MLXIP: variants seen among roughly 807,000 people sequenced by gnomAD.
The protein encoded by MLXIP is MLX interacting protein.
A neutral mutation model predicts 87.2 loss-of-function variants in MLXIP; 30 were observed. That is an observed-to-expected ratio of 0.34 (90% CI 0.26 to 0.47). The LOEUF (loss-of-function observed/expected upper bound fraction) is 0.47, where lower values mean the gene tolerates loss of function less well. MLXIP is among the 20% of genes least tolerant of loss of function. The pLI is 1.00. For missense variants in MLXIP, 1,002 were observed against 1,240.1 expected (o/e 0.81, Z 2.88); for synonymous variants, 530 against 514.0 (o/e 1.03, Z -0.42).
At chr12:122,108,041 G>T in intron 1 of MLXIP, among the ~76,000 whole-genome samples, 1 of 152,138 alleles carries the variant, frequency 6.6e-6, no homozygotes, top group Admixed American at 6.5e-5. Flanking sequence ...GGCCTGTGAT[G>T]CTGCTGATGG....
At position 122,079,168 on chromosome 12, in the gene MLXIP, G is replaced by C. The variant is rs1429102929; in HGVS notation, c.315G>C (p.Gln105His). The C allele has an allele frequency of 1.3e-6, 2 of 1,551,026 alleles. No individual in the cohort carries two copies. Among genetic ancestry groups the C allele is most frequent in the Non-Finnish European group, 1.7e-6 (2 of 1,146,836 alleles). The change falls in exon 1 of 17, where the codon CAG (glutamine) becomes CAC (histidine). Residue 105 changes from glutamine (Q) to histidine (H), a missense_variant. This residue lies in a region of MLXIP where 127 missense variants were observed against 239.0 expected (regional missense o/e 0.53). Coordinates refer to ENST00000319080, the MANE Select transcript of MLXIP (RefSeq NM_014938.6). ...ACGATTTCGACACGGTCAACAAACA[G>C]ACGTGCCAGACCTACAGCTTCGGCA... ...KGYDFDTVNK[Q>H]TCQTYSFGKT...
intron 1 of MLXIP, among the ~76,000 whole-genome samples, chr12:122,103,194 TG>T (rs1565965476): frequency 7.5e-4 from 54 of 72,160 alleles, no homozygotes; most frequent in South Asian, 4.5e-3. Flanking sequence ...TATGTATGTA[TG>T]TATGTATTTA....
chr12:122,103,703 T>TC (rs1206068333), intron 1 of MLXIP, among the ~76,000 whole-genome samples: 5 of 151,020 alleles, frequency 3.3e-5, no homozygotes, highest in African/African-American at 1.2e-4. Flanking sequence ...TATTTTTTTT[T>TC]TTTTTTTAGT....
intron 1 of MLXIP, among the ~76,000 whole-genome samples, chr12:122,079,756 G>C (rs1223919808): frequency 6.6e-6 from 1 of 152,234 alleles, no homozygotes; most frequent in East Asian, 1.9e-4. Context: ...TGCCTCCAAG[G>C]GGCTGTTGTG....
At position 122,137,271 on chromosome 12, in the gene MLXIP, TTTG is replaced by T. The variant is rs941725864; in HGVS notation, c.2033-189_2033-187del. On this transcript the variant is annotated intron_variant, in intron 11 of 16. Transcript: ENST00000319080. The surrounding 1 kb of genome is among the most constrained non-coding windows in gnomAD (Gnocchi z 4.1). ...GTGTTCTGTGTGGATTAAGGGTGTT[TTTG>T]TTGTTGTTATTAATTTAAGATTTTC... 25 of 515,640 alleles carry T rather than the reference TTTG, an allele frequency of 4.8e-5. No homozygotes were observed. The highest frequency in any genetic ancestry group is 1.1e-4 in the South Asian group (3 of 27,356). The allele number at this position is 515,640 out of a possible 1,614,324, so 31.9% of individuals were successfully genotyped here. A position where few individuals can be genotyped will look rare whatever the true frequency, so the allele number is the denominator to read the frequency against.
chr12:122,098,132 TC>T (rs1333773288), intron 1 of MLXIP, among the ~76,000 whole-genome samples: 1 of 152,236 alleles, frequency 6.6e-6, no homozygotes, highest in Admixed American at 6.5e-5. Context: ...TGTTGCTGGC[TC>T]CTTGGAGCTA....
rs1458283518 is a variant in MLXIP, at chr12:122,135,119, T to A, written c.1733-105T>A. The A allele has an allele frequency of 7.0e-7, 1 of 1,433,076 alleles. No homozygotes were observed. Among genetic ancestry groups the A allele is most frequent in the Non-Finnish European group, 9.6e-7 (1 of 1,041,148 alleles). The allele number at this position is 1,433,076 out of a possible 1,614,324, so 88.8% of individuals were successfully genotyped here. A position where few individuals can be genotyped will look rare whatever the true frequency, so the allele number is the denominator to read the frequency against. Reference sequence around the variant, plus strand: ...TTGGTGGCTTTGTCTTCCTGTCCCCTGGGGTTGAGAACAAGCTGTCTCACT... The same window carrying A: ...TTGGTGGCTTTGTCTTCCTGTCCCCAGGGGTTGAGAACAAGCTGTCTCACT... On this transcript the variant is annotated intron_variant, in intron 9 of 16. Transcript: ENST00000319080. This position sits in a 1 kb window ranked among gnomAD's most constrained non-coding sequence, Gnocchi z 5.3.
intron 1 of MLXIP, among the ~76,000 whole-genome samples, chr12:122,090,656 T>C (rs1468958665): frequency 6.6e-6 from 1 of 152,206 alleles, no homozygotes; most frequent in Non-Finnish European, 1.5e-5. Context: ...ATTTTCTTAA[T>C]AAAATGTTAG....
intron 15 of MLXIP, among the ~76,000 whole-genome samples, chr12:122,139,169 T>G (rs1412808356): frequency 1.3e-5 from 2 of 151,746 alleles, no homozygotes; most frequent in Non-Finnish European, 2.9e-5. Flanking sequence ...GCTAGGGAGG[T>G]AGAACGGTGG....
At chr12:122,095,614 C>G (rs1232239782) in intron 1 of MLXIP, among the ~76,000 whole-genome samples, 4 of 151,840 alleles carry the variant, frequency 2.6e-5, no homozygotes, top group African/African-American at 9.7e-5. Context: ...AGATTTTACT[C>G]ATTGTTATTT....
In MLXIP at chr12:122,138,876, A is replaced by G; in HGVS notation, c.2446A>G (p.Met816Val). ...VPVTRRQFDH[M>V]KDMFDEYVKT... is the part of the protein sequence containing the mutation. ...CGTTACCCGGCGCCAGTTTGATCAC[A>G]TGAAAGACATGTTTGACGAATACGT... Residue 816 changes from methionine to valine, a missense_variant, in exon 15 of 17, where the codon ATG becomes GTG. Met to Val is a conservative substitution (Grantham distance 21, BLOSUM62 1). Around this residue, in one of 3 missense-constraint regions of MLXIP, gnomAD observed 746 missense variants for 897.0 expected, o/e 0.83. Coordinates refer to ENST00000319080, the MANE Select transcript of MLXIP (RefSeq NM_014938.6). 6.2e-7 allele frequency: 1 copy of G among 1,614,054 alleles called. No individual in the cohort carries two copies. Among genetic ancestry groups the G allele is most frequent in the Non-Finnish European group, 8.5e-7 (1 of 1,179,896 alleles).
At chr12:122,103,567 C>T (rs1952472326) in intron 1 of MLXIP, among the ~76,000 whole-genome samples, 3 of 144,508 alleles carry the variant, frequency 2.1e-5, no homozygotes, top group African/African-American at 7.8e-5. Flanking sequence ...GTCACCCAGG[C>T]TGGAGTTCAG....
chr12:122,117,852 A>G (rs930283450), intron 1 of MLXIP, among the ~76,000 whole-genome samples: 3 of 152,240 alleles, frequency 2.0e-5, no homozygotes, highest in Non-Finnish European at 4.4e-5. Context: ...GAGATTAACA[A>G]CAATAATAAC....
chr12:122,121,211 T>C (rs947930982), intron 1 of MLXIP, among the ~76,000 whole-genome samples: 22 of 151,690 alleles, frequency 1.5e-4, no homozygotes, highest in African/African-American at 5.3e-4. Context: ...AGTTTCACCA[T>C]GTTGGCCAGG....
In MLXIP at chr12:122,126,001, G is replaced by C. The variant is rs549238940; in HGVS notation, c.414-1255G>C. Among the ~76,000 whole-genome samples, 125 of 152,340 alleles carry C rather than the reference G, an allele frequency of 8.2e-4. 1 individual carries two copies. The highest frequency in any genetic ancestry group is 6.2e-3 in the South Asian group (30 of 4,834). On this transcript the variant is annotated intron_variant, in intron 1 of 16. Transcript: ENST00000319080. ...TCTCGGCTTGCCACGTGGCCTTTCT[G>C]AGTGGGACTGGAGAAGGGGCAGGGC...
At chr12:122,094,055 G>C (rs1428502643) in intron 1 of MLXIP, among the ~76,000 whole-genome samples, 1 of 143,238 alleles carries the variant, frequency 7.0e-6, no homozygotes. Context: ...GGTGTGTGTG[G>C]TGGGTTTGCG....
intron 1 of MLXIP, among the ~76,000 whole-genome samples, chr12:122,097,746 G>A (rs191150025): frequency 7.6e-4 from 116 of 152,122 alleles, no homozygotes; most frequent in Non-Finnish European, 3.4e-4. Flanking sequence ...TCCATTTCCT[G>A]GCCCGGTGGA....
chr12:122,100,004 G>A (rs1440632263), intron 1 of MLXIP, among the ~76,000 whole-genome samples: 1 of 152,140 alleles, frequency 6.6e-6, no homozygotes, highest in African/African-American at 2.4e-5. Context: ...CAGGAAGGAG[G>A]AAATGCAGAG....
At chr12:122,111,972 GTTTTA>G (rs1202357329) in intron 1 of MLXIP, among the ~76,000 whole-genome samples, 3 of 152,148 alleles carry the variant, frequency 2.0e-5, no homozygotes, top group Admixed American at 2.0e-4. Flanking sequence ...TTTTAGAATA[GTTTTA>G]TTTTGAGATT....
Sources: gnomAD v4.1 joint callset for allele counts (sites outside exome capture counted in the v4.1 genomes callset) on GRCh38, gnomAD v4.1.1 for gene constraint, gnomAD v4.1.1 regional missense constraint, Gnocchi (gnomAD v3.1) non-coding constraint, MANE v1.5 for transcripts, NCBI Gene and HGNC (gene_info 2026-07-23, HGNC 2026-07-21) for gene names.